Variants in TPRX1 observed in about 807,000 individuals in gnomAD.
The protein encoded by TPRX1 is tetrapeptide repeat homeobox 1, also known as tetra-peptide repeat homeobox protein 1.
TPRX1 carries 2 observed loss-of-function variants against 8.1 expected under a neutral mutation model. The ratio of observed to expected loss-of-function variants is 0.25; its 90% CI spans 0.10 to 0.78. TPRX1 has a LOEUF of 0.78. TPRX1 is among the 30% of genes least tolerant of loss of function. The pLI is 0.70. For synonymous variants in TPRX1, 257 were observed against 254.1 expected (o/e 1.01, Z -0.11); for missense variants, 517 against 586.9 (o/e 0.88, Z 1.23).
At chr19:47,804,418 C>G (rs573430756) in intron 2 of TPRX1, among the ~76,000 whole-genome samples, 97 bp downstream of exon 1, 243 of 152,302 alleles carry the variant, frequency 1.6e-3, no homozygotes, top group African/African-American at 5.7e-3. Flanking sequence ...GGAAGCCGCC[C>G]GCACAGGCCC....
At chr19:47,813,112 T>TAAATAAA (rs1485126198) in intron 2 of TPRX1, among the ~76,000 whole-genome samples, 1 of 110,982 alleles carries the variant, frequency 9.0e-6, no homozygotes. Flanking sequence ...GTCTCAAAAA[T>TAAATAAA]AAATAAATAA....
chr19:47,802,020 C>T, exon 4 of TPRX1: 4 of 1,610,818 alleles, frequency 2.5e-6, no homozygotes, highest in Non-Finnish European at 3.4e-6. Flanking sequence ...CATAAGGGGG[C>T]TGGGGCTGGG....
At chr19:47,812,779 T>A (rs1299162729) in intron 2 of TPRX1, among the ~76,000 whole-genome samples, 3 of 150,558 alleles carry the variant, frequency 2.0e-5, no homozygotes, top group Non-Finnish European at 4.4e-5. Flanking sequence ...AGAGTGAGAC[T>A]CCATCTCAAA....
chr19:47,803,954 C>T (rs1281899254), intron 2 of TPRX1, among the ~76,000 whole-genome samples: 1 of 151,996 alleles, frequency 6.6e-6, no homozygotes, highest in East Asian at 1.9e-4. Flanking sequence ...TCCCCAGCTG[C>T]CCCGTCCCCT....
At chr19:47,815,119 T>TATATATATATATATGCAA (rs1555799991) in intron 2 of TPRX1, among the ~76,000 whole-genome samples, 2,838 of 77,984 alleles carry the variant, frequency 0.036, 130 homozygotes, top group Middle Eastern at 0.062. Flanking sequence ...ATAAATTATA[T>TATATATATATATATGCAA]ATATATATAT....
In TPRX1 at chr19:47,802,729, T is replaced by C. The variant is rs79095323; in HGVS notation, c.573A>G (p.Pro191=). 4.2e-4 allele frequency: 675 copies of C among 1,598,918 alleles called. 2 individuals carry two copies. The African/African-American group carries it at 8.4e-3, about 20-fold the overall frequency. ...TTGGGGCAGGGATCGGGCCAGGGCC[T>C]GGACTCAGGGCAGCTGGGATGCCCT... Residue 191 remains proline (P), a synonymous_variant, in exon 4 of 4, where the codon CCA becomes CCG. Transcript: ENST00000535759.
At chr19:47,817,070 C>T (rs1205141054) in intron 2 of TPRX1, among the ~76,000 whole-genome samples, 2 of 152,160 alleles carry the variant, frequency 1.3e-5, no homozygotes, top group Admixed American at 6.6e-5. Context: ...CTGTGGAGTT[C>T]GGCACCCACT....
intron 2 of TPRX1, among the ~76,000 whole-genome samples, chr19:47,812,992 A>G (rs1030030343): frequency 5.9e-5 from 9 of 151,994 alleles, no homozygotes; most frequent in African/African-American, 2.2e-4. Context: ...CTGTAATCCT[A>G]GCTACTCAGG....
intron 2 of TPRX1, among the ~76,000 whole-genome samples, chr19:47,815,115 T>TATATATATATATATATGCAA (rs1555799974): frequency 1.4e-3 from 10 of 7,406 alleles, no homozygotes; most frequent in East Asian, 0.013. Flanking sequence ...ATAGATAAAT[T>TATATATATATATATATGCAA]ATATATATAT....
At chr19:47,802,277 C>T in exon 4 of TPRX1, 1 of 1,544,674 alleles carries the variant, frequency 6.5e-7, no homozygotes, top group South Asian at 1.2e-5. Context: ...TGGGTTCGGG[C>T]CTGAGATTGG....
chr19:47,817,119 T>C (rs1420472083), intron 2 of TPRX1, among the ~76,000 whole-genome samples: 1 of 152,102 alleles, frequency 6.6e-6, no homozygotes, highest in African/African-American at 2.4e-5. Flanking sequence ...TTCTCACAGG[T>C]AAGGCCTGAA....
intron 2 of TPRX1, among the ~76,000 whole-genome samples, chr19:47,815,299 C>T (rs1212345193): frequency 1.4e-5 from 2 of 146,408 alleles, no homozygotes; most frequent in African/African-American, 5.0e-5. Flanking sequence ...GGATTACAGG[C>T]GTGCAACACC....
chr19:47,814,768 C>T (rs1489072496), intron 2 of TPRX1, among the ~76,000 whole-genome samples: 3 of 152,126 alleles, frequency 2.0e-5, no homozygotes, highest in Non-Finnish European at 4.4e-5. Flanking sequence ...CCAAGTAAAA[C>T]ATGAAAAAGA....
At chr19:47,808,682 C>G (rs978626624) in intron 2 of TPRX1, among the ~76,000 whole-genome samples, 2 of 139,754 alleles carry the variant, frequency 1.4e-5, no homozygotes, top group African/African-American at 5.0e-5. Context: ...TCTTGAACTC[C>G]TGACCTCAAG....
At chr19:47,802,111 T>C (rs774496481) in exon 4 of TPRX1, 6 of 1,586,210 alleles carry the variant, frequency 3.8e-6, no homozygotes, top group Middle Eastern at 3.4e-4. Flanking sequence ...GGGCTAGGCC[T>C]GGAAGTGAGC....
chr19:47,806,969 A>G (rs947704888), intron 2 of TPRX1, among the ~76,000 whole-genome samples: 30 of 150,300 alleles, frequency 2.0e-4, no homozygotes, highest in African/African-American at 6.9e-4. Context: ...TAGTGGTGTG[A>G]TCTCGGCTTG....
At chr19:47,814,634 G>A (rs150095264) in intron 2 of TPRX1, among the ~76,000 whole-genome samples, 30 of 152,104 alleles carry the variant, frequency 2.0e-4, no homozygotes, top group African/African-American at 7.0e-4. Context: ...TCTGATCAAC[G>A]ACCTCAGAGA....
intron 2 of TPRX1, among the ~76,000 whole-genome samples, chr19:47,814,327 T>G (rs899675735): frequency 1.1e-4 from 17 of 151,892 alleles, no homozygotes; most frequent in Non-Finnish European, 2.2e-4. Context: ...AGTGTTGGGA[T>G]TACAGGTGTG....
At chr19:47,815,211 G>A (rs1599957205) in intron 2 of TPRX1, among the ~76,000 whole-genome samples, 1 of 114,996 alleles carries the variant, frequency 8.7e-6, no homozygotes, top group Admixed American at 8.8e-5. Flanking sequence ...CTGGAGTGCA[G>A]TGGTGTGAGT....
Sources: allele counts gnomAD v4.1 joint callset (sites outside exome capture counted in the v4.1 genomes callset), GRCh38; gene constraint gnomAD v4.1.1; transcripts MANE v1.5; gene names NCBI Gene and HGNC (gene_info 2026-07-23, HGNC 2026-07-21).